Variants in RPSA2 observed in about 807,000 individuals in gnomAD.
RPSA2 encodes the protein small ribosomal subunit protein uS2B.
chr19:23,834,183 T>C, the RPSA2 span, among the ~76,000 whole-genome samples: 2 of 152,088 alleles, frequency 1.3e-5, no homozygotes, highest in Admixed American at 6.5e-5. Flanking sequence ...GCATAAACAT[T>C]ATTTGTATAT....
chr19:23,827,624 C>T, the RPSA2 span: 4,699 of 1,592,052 alleles, frequency 3.0e-3, 122 homozygotes, highest in African/African-American at 0.052. Flanking sequence ...TTCTCCTCTG[C>T]GCTATGTGGA....
chr19:23,800,027 C>CTTT, the RPSA2 span, among the ~76,000 whole-genome samples: 3 of 110,944 alleles, frequency 2.7e-5, no homozygotes, highest in Non-Finnish European at 5.6e-5. Flanking sequence ...TTTTCTTTTT[C>CTTT]TTTTTTTTTT....
chr19:23,806,047 C>CTTTT, the RPSA2 span, among the ~76,000 whole-genome samples: 20,294 of 126,216 alleles, frequency 0.16, 2,534 homozygotes, highest in Middle Eastern at 0.19. Context: ...TTCTTTCTTT[C>CTTTT]TTTTTTTTTT....
At chr19:23,795,436 A>G in the RPSA2 span, among the ~76,000 whole-genome samples, 1 of 151,932 alleles carries the variant, frequency 6.6e-6, no homozygotes, top group Non-Finnish European at 1.5e-5. Flanking sequence ...TTTTGCAGCA[A>G]TTGTTAATGG....
chr19:23,764,640 C>G, the RPSA2 span, among the ~76,000 whole-genome samples: 2 of 151,950 alleles, frequency 1.3e-5, no homozygotes, highest in Admixed American at 6.6e-5. Context: ...CCACTGTGCC[C>G]TGCTAATTTT....
the RPSA2 span, among the ~76,000 whole-genome samples, chr19:23,787,858 A>G: frequency 6.6e-6 from 1 of 152,188 alleles, no homozygotes; most frequent in Non-Finnish European, 1.5e-5. Flanking sequence ...ACGTTGTGAC[A>G]TATTGCTGCG....
chr19:23,835,620 T>C, the RPSA2 span, among the ~76,000 whole-genome samples: 122 of 137,906 alleles, frequency 8.8e-4, no homozygotes, highest in African/African-American at 3.2e-3. Flanking sequence ...TAATAGTTTT[T>C]TTTTTTGTTG....
the RPSA2 span, among the ~76,000 whole-genome samples, chr19:23,805,530 C>G: frequency 6.8e-6 from 1 of 147,694 alleles, no homozygotes. Context: ...GTTTTTCTGT[C>G]TTGGGCTTTC....
chr19:23,856,122 G>A, the RPSA2 span, among the ~76,000 whole-genome samples: 18 of 152,074 alleles, frequency 1.2e-4, no homozygotes, highest in African/African-American at 4.1e-4. Context: ...GAACAGAAGA[G>A]GAAAGCTGAG....
the RPSA2 span, among the ~76,000 whole-genome samples, chr19:23,778,280 T>C: frequency 6.6e-6 from 1 of 152,188 alleles, no homozygotes; most frequent in South Asian, 2.1e-4. Context: ...TGGCGCAATC[T>C]CGGCTAACCG....
chr19:23,802,597 A>G, the RPSA2 span, among the ~76,000 whole-genome samples: 2 of 152,210 alleles, frequency 1.3e-5, no homozygotes, highest in African/African-American at 4.8e-5. Context: ...TGTTCCTCCC[A>G]TCATACAAGA....
the RPSA2 span, chr19:23,819,041 A>G: frequency 3.9e-5 from 6 of 152,210 alleles, no homozygotes; most frequent in African/African-American, 1.4e-4. Context: ...AGTAATGAAT[A>G]ACATGTTTAT....
chr19:23,773,847 G>A, the RPSA2 span, among the ~76,000 whole-genome samples: 5 of 152,170 alleles, frequency 3.3e-5, no homozygotes, highest in Non-Finnish European at 5.9e-5. Flanking sequence ...TTAGTTCATC[G>A]TTGAAATTGT....
chr19:23,790,510 G>T, the RPSA2 span, among the ~76,000 whole-genome samples: 25 of 152,176 alleles, frequency 1.6e-4, no homozygotes, highest in East Asian at 4.9e-3. Flanking sequence ...GTCACTCAGG[G>T]CCTTGAGAAG....
At chr19:23,783,931 C>T in the RPSA2 span, among the ~76,000 whole-genome samples, 3 of 152,140 alleles carry the variant, frequency 2.0e-5, no homozygotes, top group African/African-American at 7.2e-5. Context: ...AGGATTGTAA[C>T]ATCTCTGGTT....
the RPSA2 span, among the ~76,000 whole-genome samples, chr19:23,855,001 A>G: frequency 6.6e-6 from 1 of 152,228 alleles, no homozygotes; most frequent in Non-Finnish European, 1.5e-5. Flanking sequence ...TTTGAACAGC[A>G]TCTTGTAATT....
At chr19:23,765,947 AATTT>A in the RPSA2 span, among the ~76,000 whole-genome samples, 2 of 143,962 alleles carry the variant, frequency 1.4e-5, no homozygotes, top group African/African-American at 5.2e-5. Flanking sequence ...GTAAAAAATT[AATTT>A]ATTCTGGAGA....
chr19:23,817,996 ATTGTT>A, the RPSA2 span: 22 of 152,120 alleles, frequency 1.4e-4, no homozygotes, highest in Admixed American at 1.4e-3. Flanking sequence ...AGGAGGAAAA[ATTGTT>A]TTTCCCATCA....
At chr19:23,853,341 A>G in the RPSA2 span, among the ~76,000 whole-genome samples, 14 of 149,696 alleles carry the variant, frequency 9.4e-5, no homozygotes. Context: ...ATCAGTTACC[A>G]TCCGCCACTT....
Sources: gnomAD v4.1 joint callset for allele counts (sites outside exome capture counted in the v4.1 genomes callset) on GRCh38, gnomAD v4.1.1 for gene constraint, MANE v1.5 for transcripts, NCBI Gene and HGNC (gene_info 2026-07-23, HGNC 2026-07-21) for gene names.